The following LRP1B variants were observed in gnomAD, a reference collection of about 807,000 sequenced individuals.
The protein encoded by LRP1B is low-density lipoprotein receptor-related protein 1B.
Under a neutral mutation model 556.6 loss-of-function variants are expected in LRP1B, and 217 were observed. The observed-to-expected ratio is 0.39, with a 90% CI of 0.35 to 0.44. The LOEUF is 0.44. Among genes scored for constraint, LRP1B ranks in the 20% least tolerant of loss-of-function variants. The pLI, the probability that LRP1B is intolerant of heterozygous loss-of-function variation, is 1.00. For missense variants in LRP1B, 5,053 were observed against 5,620.8 expected, an observed-to-expected ratio of 0.90 and a Z score of 3.23; for synonymous variants, 2,047 against 1,865.8, an observed-to-expected ratio of 1.10 and a Z score of -2.50.
chr2:141,925,463 C>A (rs1259319605), intron 1 of LRP1B, among the ~76,000 whole-genome samples: 2 of 152,114 alleles, frequency 1.3e-5, no homozygotes, highest in Admixed American at 1.3e-4. Flanking sequence ...CTGACTCCAA[C>A]AAAACACTAA....
chr2:140,638,982 G>A lies in LRP1B; in HGVS notation c.6800-37343C>T, dbSNP rs1034167215. 2.7e-5 allele frequency among the ~76,000 whole-genome samples: 4 copies of A among 150,696 alleles called. No homozygotes were observed. The South Asian group carries it at 6.3e-4, about 24-fold the overall frequency. On this transcript the variant is annotated intron_variant, in intron 41 of 90. Transcript: ENST00000389484. ...TTAATGTATAAGTAATTTCTCCAACGAGAAAAAAAAATGGGATATTTCTTG... is the reference window on the plus strand; with the variant it reads ...TTAATGTATAAGTAATTTCTCCAACAAGAAAAAAAAATGGGATATTTCTTG...
chr2:141,107,218 T>C (rs1367505230), intron 7 of LRP1B, among the ~76,000 whole-genome samples: 1 of 152,178 alleles, frequency 6.6e-6, no homozygotes, highest in African/African-American at 2.4e-5. Context: ...CATTAAATTT[T>C]TTATGTGGTG....
intron 1 of LRP1B, among the ~76,000 whole-genome samples, chr2:141,961,895 G>A (rs1227587290): frequency 6.6e-6 from 1 of 151,718 alleles, no homozygotes; most frequent in Non-Finnish European, 1.5e-5. Context: ...AAATTTATCT[G>A]TCTAGACTGA....
In LRP1B at chr2:140,663,263, C is replaced by T. The variant is rs542086486; in HGVS notation, c.6799+36987G>A. On this transcript the variant is annotated intron_variant, in intron 41 of 90. Transcript: ENST00000389484. ...GATAAATTACAGACTATTACAAACA[C>T]ACCATGTTGGAAATACACTGGTCAT... Among the ~76,000 whole-genome samples, 3 of 152,212 alleles carry T rather than the reference C, an allele frequency of 2.0e-5. No individual in the cohort carries two copies. The East Asian group carries it at 5.8e-4, about 29-fold the overall frequency.
At position 141,810,378 on chromosome 2, in the gene LRP1B, C is replaced by T. The variant is rs2105707709; in HGVS notation, c.106G>A (p.Glu36Lys). The T allele has an allele frequency of 6.2e-7, 1 of 1,612,938 alleles. No individual in the cohort carries two copies. ...DRDQQLCDPG[E>K]FLCHDHVTCV... is the part of the protein sequence containing the mutation. ...GTCACGTGATCGTGGCAAAGAAATT[C>T]ACCAGGATCACACAACTGCTGATCT... Residue 36 changes from glutamate (E) to lysine (K), a missense_variant, in exon 2 of 91, where the codon GAA becomes AAA. Coordinates refer to ENST00000389484, the MANE Select transcript of LRP1B (RefSeq NM_018557.3).
At chr2:141,719,214 T>G (rs916027883) in intron 2 of LRP1B, among the ~76,000 whole-genome samples, 5 of 152,188 alleles carry the variant, frequency 3.3e-5, no homozygotes, top group Non-Finnish European at 7.4e-5. Flanking sequence ...GAAGTCAGTT[T>G]AGAAGGAGCA....
intron 14 of LRP1B, among the ~76,000 whole-genome samples, chr2:141,012,691 T>A (rs1270231177): frequency 6.6e-6 from 1 of 152,024 alleles, no homozygotes; most frequent in African/African-American, 2.4e-5. Flanking sequence ...AAACTGAAGC[T>A]TTTGAATGAG....
chr2:141,118,145 A>G (rs2104987915), intron 7 of LRP1B, among the ~76,000 whole-genome samples: 1 of 145,954 alleles, frequency 6.9e-6, no homozygotes, highest in East Asian at 2.2e-4. Context: ...TTCAGAGATA[A>G]AAGGTAAAGT....
chr2:140,878,444 T>C (rs1223184250), intron 25 of LRP1B, among the ~76,000 whole-genome samples: 1 of 151,952 alleles, frequency 6.6e-6, no homozygotes, highest in Non-Finnish European at 1.5e-5. Context: ...AAATAGAAAA[T>C]GGAACAAAGG....
At chr2:141,107,815 T>C (rs1370669540) in intron 7 of LRP1B, among the ~76,000 whole-genome samples, 2 of 152,114 alleles carry the variant, frequency 1.3e-5, no homozygotes, top group African/African-American at 4.8e-5. Context: ...CTGATTATGA[T>C]ATGATCACAG....
In LRP1B at chr2:141,229,217, A is replaced by T. The variant is rs1683367728; in HGVS notation, c.816T>A (p.Asp272Glu). Residue 272 changes from aspartate (D) to glutamate (E), a missense_variant, in exon 6 of 91, where the codon GAT becomes GAA. Asp to Glu is a conservative substitution (Grantham distance 45). Transcript: ENST00000389484. ...ATTGAAGAATATTGATTGTCCATTC[A>T]TCTGTTAATCCTCCTGCTTTTGTTA... The part of the protein sequence containing the change: ...IQITKAGGLT[D>E]EWTINILQSF... The T allele has an allele frequency of 1.2e-6, 2 of 1,613,180 alleles. No individual in the cohort carries two copies. The highest frequency in any genetic ancestry group is 2.7e-5 in the African/African-American group (2 of 74,912).
intron 3 of LRP1B, among the ~76,000 whole-genome samples, chr2:141,354,525 C>G (rs967564187): frequency 6.6e-6 from 1 of 152,074 alleles, no homozygotes; most frequent in Non-Finnish European, 1.5e-5. Context: ...ATTCACAAAA[C>G]TTAACACCTC....
intron 1 of LRP1B, among the ~76,000 whole-genome samples, chr2:141,936,905 A>G (rs1382071502): frequency 6.9e-6 from 1 of 144,900 alleles, no homozygotes; most frequent in Non-Finnish European, 1.5e-5. Flanking sequence ...AACACACATT[A>G]GTTTTTTTTT....
At position 141,550,500 on chromosome 2, in the gene LRP1B, G is replaced by A. The variant is rs183469077; in HGVS notation, c.206-69967C>T. On this transcript the variant is annotated intron_variant, in intron 2 of 90. Transcript: ENST00000389484. ...AATGTCTCACAATAACTTATAGAGA[G>A]TGCTTCTCAAAAAGTACTATAACGT... 2.2e-3 allele frequency among the ~76,000 whole-genome samples: 332 copies of A among 152,238 alleles called. 1 individual carries two copies. The highest frequency in any genetic ancestry group is 0.014 in the Middle Eastern group (4 of 294).
chr2:141,608,013 T>C (rs144563995), intron 2 of LRP1B, among the ~76,000 whole-genome samples: 1 of 152,082 alleles, frequency 6.6e-6, no homozygotes, highest in East Asian at 1.9e-4. Flanking sequence ...TCACCTGAGG[T>C]AGGGAGTTTG....
At chr2:140,876,420 A>C (rs1380837512) in intron 25 of LRP1B, among the ~76,000 whole-genome samples, 1 of 152,160 alleles carries the variant, frequency 6.6e-6, no homozygotes, top group Non-Finnish European at 1.5e-5. Flanking sequence ...GTGCAATAAA[A>C]ATTTGTTTTC....
chr2:140,826,197 T>C (rs1559141464), intron 31 of LRP1B, among the ~76,000 whole-genome samples: 1 of 152,136 alleles, frequency 6.6e-6, no homozygotes, highest in Non-Finnish European at 1.5e-5. Context: ...AAATAACATA[T>C]ATGTAGGTAT....
chr2:141,706,575 A>C (rs964639786), intron 2 of LRP1B, among the ~76,000 whole-genome samples: 1 of 152,050 alleles, frequency 6.6e-6, no homozygotes, highest in Non-Finnish European at 1.5e-5. Context: ...CAATTAAATC[A>C]TGTTTTCCTC....
At chr2:141,339,300 C>CA (rs199875427) in intron 3 of LRP1B, among the ~76,000 whole-genome samples, 9,566 of 75,544 alleles carry the variant, frequency 0.13, 376 homozygotes, top group Middle Eastern at 0.2. Flanking sequence ...TGGGGTAACG[C>CA]AAAAAAAAAA....
Sources: gnomAD v4.1 joint callset for allele counts (sites outside exome capture counted in the v4.1 genomes callset) on GRCh38, gnomAD v4.1.1 for gene constraint, MANE v1.5 for transcripts, NCBI Gene and HGNC (gene_info 2026-07-23, HGNC 2026-07-21) for gene names.